Variants in KANK1 observed in about 807,000 individuals in gnomAD.
KANK1 encodes KN motif and ankyrin repeat domain-containing protein 1.
Under a neutral mutation model 106.2 loss-of-function variants are expected in KANK1, and 109 were observed. The observed-to-expected ratio is 1.03, with a 90% CI of 0.88 to 1.20. The LOEUF is 1.20. Ranked by LOEUF, KANK1 falls within the 50% of genes most tolerant of loss-of-function variation. KANK1 has a pLI of 0.00. For missense variants in KANK1, 2,399 were observed against 1,710.7 expected (o/e 1.40, Z -7.10); for synonymous variants, 873 against 652.2 (o/e 1.34, Z -5.16).
chr9:530,202 C>T (rs544456188), intron 1 of KANK1, among the ~76,000 whole-genome samples: 5 of 152,170 alleles, frequency 3.3e-5, no homozygotes, highest in Admixed American at 2.0e-4. Context: ...TCTTTTGATT[C>T]GGGTTATATT....
intron 1 of KANK1, among the ~76,000 whole-genome samples, chr9:643,543 A>ATTT (rs774468238): frequency 0.021 from 2,180 of 102,352 alleles, 100 homozygotes; most frequent in African/African-American, 0.061. Context: ...TTTCTTTTTG[A>ATTT]TTTTTTTTTT....
intron 1 of KANK1, among the ~76,000 whole-genome samples, chr9:562,504 G>A (rs118046378): frequency 0.014 from 2,162 of 152,292 alleles, 23 homozygotes; most frequent in Non-Finnish European, 0.022. Flanking sequence ...CTAAAGCTCA[G>A]CTGCAGTGAG....
At chr9:723,441 A>G (rs1442453393) in intron 3 of KANK1, among the ~76,000 whole-genome samples, 2 of 152,080 alleles carry the variant, frequency 1.3e-5, no homozygotes, top group Admixed American at 6.6e-5. Flanking sequence ...ACCAAATTCC[A>G]TCCGACTTAC....
intron 1 of KANK1, among the ~76,000 whole-genome samples, chr9:553,522 C>CAG (rs2061400838): frequency 6.6e-6 from 1 of 152,148 alleles, no homozygotes; most frequent in Non-Finnish European, 1.5e-5. Context: ...CTTGATCTTC[C>CAG]GCACCCTGTA....
chr9:618,881 T>C (rs1460567244), intron 1 of KANK1, among the ~76,000 whole-genome samples: 1 of 152,142 alleles, frequency 6.6e-6, no homozygotes, highest in Non-Finnish European at 1.5e-5. Context: ...AATCCATGGC[T>C]CCTCACGAGC....
chr9:664,168 T>C (rs1844023315), intron 1 of KANK1, among the ~76,000 whole-genome samples: 1 of 152,164 alleles, frequency 6.6e-6, no homozygotes, highest in Non-Finnish European at 1.5e-5. Context: ...GAACACCAAG[T>C]CTTATTTCTT....
At chr9:626,625 C>T (rs1834410349) in intron 1 of KANK1, among the ~76,000 whole-genome samples, 1 of 152,208 alleles carries the variant, frequency 6.6e-6, no homozygotes, top group Non-Finnish European at 1.5e-5. Context: ...CAACATCTGG[C>T]CCCAGCCCTA....
At chr9:678,239 A>G (rs1230233593) in intron 2 of KANK1, among the ~76,000 whole-genome samples, 2 of 152,132 alleles carry the variant, frequency 1.3e-5, no homozygotes, top group Non-Finnish European at 2.9e-5. Context: ...TGGGACTGCT[A>G]TCAATAATAA....
chr9:714,398 C>G, intron 3 of KANK1, among the ~76,000 whole-genome samples: 1 of 137,064 alleles, frequency 7.3e-6, no homozygotes, highest in East Asian at 2.1e-4. Context: ...GTCGCTCTGT[C>G]ACCCAGGCTG....
At chr9:613,011 A>G (rs544623330) in intron 1 of KANK1, among the ~76,000 whole-genome samples, 7 of 152,208 alleles carry the variant, frequency 4.6e-5, no homozygotes, top group Admixed American at 1.3e-4. Context: ...TTAAAGGGGC[A>G]TACAAAATAA....
At position 715,988 on chromosome 9, in the gene KANK1, A is replaced by G. The variant is rs75626112; in HGVS notation, c.2698+2524A>G. ...TCCTGTGCACACCATACCATAGAGA[A>G]TAGCACTCACCACAGTCTAGAATGT... On this transcript the variant is annotated intron_variant, in intron 3 of 11. Transcript: ENST00000382297. Among the ~76,000 whole-genome samples the G allele has an allele frequency of 9.6e-4, 146 of 152,308 alleles. 4 individuals carry two copies. In the East Asian group the frequency reaches 0.018, roughly 19 times the overall value.
chr9:592,423 G>T (rs572059109), intron 1 of KANK1, among the ~76,000 whole-genome samples: 1 of 151,754 alleles, frequency 6.6e-6, no homozygotes, highest in South Asian at 2.1e-4. Context: ...ATAAATGCCC[G>T]CAGCACTGGC....
At chr9:546,276 G>A (rs1318729013) in intron 1 of KANK1, among the ~76,000 whole-genome samples, 2 of 152,014 alleles carry the variant, frequency 1.3e-5, no homozygotes, top group African/African-American at 2.4e-5. Flanking sequence ...AATATCCGAA[G>A]AAATTTATGA....
intron 1 of KANK1, among the ~76,000 whole-genome samples, chr9:664,042 A>T (rs1843996210): frequency 6.6e-6 from 1 of 152,062 alleles, no homozygotes; most frequent in African/African-American, 2.4e-5. Context: ...GAGGGACTCG[A>T]TGGGAGGTAA....
chr9:622,310 G>A (rs1833334229), intron 1 of KANK1, among the ~76,000 whole-genome samples: 1 of 152,200 alleles, frequency 6.6e-6, no homozygotes, highest in Non-Finnish European at 1.5e-5. Flanking sequence ...TTGGGGCACT[G>A]CTCTAGGTGT....
intron 1 of KANK1, among the ~76,000 whole-genome samples, chr9:515,297 A>G (rs1202122821): frequency 6.6e-6 from 1 of 150,832 alleles, no homozygotes; most frequent in African/African-American, 2.5e-5. Context: ...GTGAGCCGAG[A>G]TCGTGCCACT....
intron 1 of KANK1, among the ~76,000 whole-genome samples, chr9:629,892 C>T (rs191287338): frequency 5.9e-5 from 9 of 152,296 alleles, no homozygotes; most frequent in Non-Finnish European, 1.0e-4. Context: ...CACTGTACTA[C>T]GCACTTTGTT....
Position 523,058 on chromosome 9 carries a change from C to T in KANK1, c.-84+18304C>T, listed in dbSNP as rs181726153. Among the ~76,000 whole-genome samples the T allele has an allele frequency of 9.9e-4, 151 of 151,794 alleles. 4 individuals carry two copies. The highest frequency in any genetic ancestry group is 3.6e-3 in the African/African-American group (148 of 41,094). On this transcript the variant is annotated intron_variant, in intron 1 of 11. Transcript: ENST00000382297. ...CATTCTCGTGGTGACCTCATCTTCTCTCATGGCTTTAAGTGTGGTTGATAT... is the reference window on the plus strand; with the variant it reads ...CATTCTCGTGGTGACCTCATCTTCTTTCATGGCTTTAAGTGTGGTTGATAT...
At chr9:643,483 T>C (rs1437972960) in intron 1 of KANK1, among the ~76,000 whole-genome samples, 1 of 150,456 alleles carries the variant, frequency 6.6e-6, no homozygotes, top group Non-Finnish European at 1.5e-5. Flanking sequence ...CCGAAGAATT[T>C]GGTTTAAAAG....
Sources: gnomAD v4.1 joint callset for allele counts (sites outside exome capture counted in the v4.1 genomes callset) on GRCh38, gnomAD v4.1.1 for gene constraint, MANE v1.5 for transcripts, NCBI Gene and HGNC (gene_info 2026-07-23, HGNC 2026-07-21) for gene names.